Variants in PDE4B observed in about 807,000 individuals in gnomAD.
PDE4B encodes the protein phosphodiesterase 4B.
Under a neutral mutation model 82.2 loss-of-function variants are expected in PDE4B, and 20 were observed. The ratio of observed to expected loss-of-function variants is 0.24; its 90% CI spans 0.17 to 0.35. The LOEUF (loss-of-function observed/expected upper bound fraction) is 0.35. PDE4B is among the 10% of genes least tolerant of loss of function. PDE4B has a pLI of 1.00. For synonymous variants in PDE4B, 320 were observed against 318.9 expected (o/e 1.00, Z -0.04); for missense variants, 655 against 907.2 (o/e 0.72, Z 3.57).
chr1:65,968,242 G>A (rs1649952108), intron 3 of PDE4B, among the ~76,000 whole-genome samples: 1 of 152,062 alleles, frequency 6.6e-6, no homozygotes, highest in South Asian at 2.1e-4. Flanking sequence ...TTAAAAAGAG[G>A]ATTGGACTAG....
intron 3 of PDE4B, among the ~76,000 whole-genome samples, chr1:66,173,498 A>C (rs1466846833): frequency 6.6e-6 from 1 of 152,206 alleles, no homozygotes; most frequent in African/African-American, 2.4e-5. Flanking sequence ...AACCCGCAAG[A>C]GTCTATTTGA....
rs71058436 is a variant in PDE4B, at chr1:65,924,077, A to ATTTTTTTTTTTTTTTTTTTTTTTTT, written c.281+5257_281+5258insTTTTTTTTTTTTTTTTTTTTTTTTT. ...TTCTAATCTGCCTTCCAGTTTGCTAATTTTTTTTTTTTTTTGAGACGGAGT... is the reference window on the plus strand; with the variant it reads ...TTCTAATCTGCCTTCCAGTTTGCTAATTTTTTTTTTTTTTTTTTTTTTTTTTTTTTTTTTTTTTTTGAGACGGAGT... On this transcript the variant is annotated intron_variant, in intron 3 of 16. Transcript: ENST00000341517. Among the ~76,000 whole-genome samples the ATTTTTTTTTTTTTTTTTTTTTTTTT allele has an allele frequency of 8.8e-4, 36 of 40,780 alleles. 14 individuals are homozygous for ATTTTTTTTTTTTTTTTTTTTTTTTT. Among genetic ancestry groups the ATTTTTTTTTTTTTTTTTTTTTTTTT allele is most frequent in the Non-Finnish European group, 1.6e-3 (30 of 19,266 alleles). 26.8% of individuals were successfully genotyped at this position (40,780 alleles called of 152,430 possible). A position where few individuals can be genotyped will look rare whatever the true frequency, so the allele number is the denominator to read the frequency against.
chr1:65,985,497 A>G lies in PDE4B; in HGVS notation c.281+66662A>G, dbSNP rs138049273. Among the ~76,000 whole-genome samples the G allele has an allele frequency of 2.1e-3, 319 of 152,306 alleles. 3 individuals carry two copies. Among genetic ancestry groups the G allele is most frequent in the African/African-American group, 7.1e-3 (296 of 41,568 alleles). ...ATAAAAAGATAAAAGCTTATTTTAGAGAAAGAGGTTTTCCCAAATATAACT... is the reference window on the plus strand; with the variant it reads ...ATAAAAAGATAAAAGCTTATTTTAGGGAAAGAGGTTTTCCCAAATATAACT... On this transcript the variant is annotated intron_variant, in intron 3 of 16. Transcript: ENST00000341517.
At chr1:66,028,055 C>T (rs936070624) in intron 3 of PDE4B, among the ~76,000 whole-genome samples, 1 of 152,236 alleles carries the variant, frequency 6.6e-6, no homozygotes, top group African/African-American at 2.4e-5. Context: ...GGCTCCAACC[C>T]CACATTTCCC....
At chr1:66,274,543 T>C (rs1335316127) in intron 7 of PDE4B, among the ~76,000 whole-genome samples, 1 of 152,068 alleles carries the variant, frequency 6.6e-6, no homozygotes, top group Non-Finnish European at 1.5e-5. Context: ...CTTTATATAG[T>C]GATTAAGAGT....
intron 3 of PDE4B, among the ~76,000 whole-genome samples, chr1:66,243,585 A>G (rs1653061194): frequency 6.6e-6 from 1 of 152,230 alleles, no homozygotes; most frequent in African/African-American, 2.4e-5. Flanking sequence ...AGTGTCAGAG[A>G]GCGCATACTC....
intron 3 of PDE4B, among the ~76,000 whole-genome samples, chr1:66,028,152 C>T (rs545166221): frequency 6.6e-6 from 1 of 152,348 alleles, no homozygotes; most frequent in Non-Finnish European, 1.5e-5. Context: ...TTTCATACAT[C>T]TTCTGAAATC....
At position 65,934,520 on chromosome 1, in the gene PDE4B, G is replaced by A. The variant is rs568764998; in HGVS notation, c.281+15685G>A. On this transcript the variant is annotated intron_variant, in intron 3 of 16. Coordinates refer to ENST00000341517, the MANE Select transcript of PDE4B (RefSeq NM_002600.4). The stretch of plus-strand genomic sequence containing the variant: ...GACAACAATGAACAAAATGGCAATA[G>A]TAAATTTTTCTCTATCAATGCTTAC... Among the ~76,000 whole-genome samples, 62 of 152,252 alleles carry A rather than the reference G, an allele frequency of 4.1e-4. 1 individual carries two copies. Among genetic ancestry groups the A allele is most frequent in the African/African-American group, 1.4e-3 (60 of 41,552 alleles).
At chr1:65,879,152 G>A (rs577002850) in intron 1 of PDE4B, among the ~76,000 whole-genome samples, 1 of 152,034 alleles carries the variant, frequency 6.6e-6, no homozygotes, top group African/African-American at 2.4e-5. Flanking sequence ...TCAGGAGTTA[G>A]CTGTCAGGGG....
chr1:65,797,598 A>G (rs1645646262), intron 1 of PDE4B, among the ~76,000 whole-genome samples: 1 of 152,176 alleles, frequency 6.6e-6, no homozygotes, highest in Non-Finnish European at 1.5e-5. Flanking sequence ...AAGGGGAAGA[A>G]GAAGCCTCCC....
chr1:66,022,936 C>T (rs1480010683), intron 3 of PDE4B, among the ~76,000 whole-genome samples: 1 of 152,068 alleles, frequency 6.6e-6, no homozygotes, highest in Non-Finnish European at 1.5e-5. Context: ...TCTGTCTGGT[C>T]CTGGACTTTT....
intron 3 of PDE4B, among the ~76,000 whole-genome samples, chr1:66,089,666 A>G (rs1644973457): frequency 6.6e-6 from 1 of 152,092 alleles, no homozygotes; most frequent in African/African-American, 2.4e-5. Context: ...AGATATAATC[A>G]CATCAACTTC....
At chr1:66,054,974 G>A (rs1655222556) in intron 3 of PDE4B, among the ~76,000 whole-genome samples, 1 of 152,146 alleles carries the variant, frequency 6.6e-6, no homozygotes, top group Non-Finnish European at 1.5e-5. Flanking sequence ...AACTAGTGTT[G>A]TCATGGACAC....
chr1:66,039,616 A>G (rs1397149361), intron 3 of PDE4B, among the ~76,000 whole-genome samples: 1 of 152,004 alleles, frequency 6.6e-6, no homozygotes, highest in Non-Finnish European at 1.5e-5. Context: ...TCCCATGTAT[A>G]TACATATATG....
chr1:65,998,717 T>C (rs918088176), intron 3 of PDE4B, among the ~76,000 whole-genome samples: 4 of 152,144 alleles, frequency 2.6e-5, no homozygotes, highest in Admixed American at 2.6e-4. Context: ...ATGCTGTAGA[T>C]AGTACTAGCT....
intron 3 of PDE4B, among the ~76,000 whole-genome samples, chr1:66,084,756 G>A (rs1446215678): frequency 1.3e-5 from 2 of 152,032 alleles, no homozygotes; most frequent in African/African-American, 4.8e-5. Flanking sequence ...CATTCTACTT[G>A]GTGATCTGTC....
intron 3 of PDE4B, among the ~76,000 whole-genome samples, chr1:66,051,329 C>T (rs1655014967): frequency 6.6e-6 from 1 of 152,098 alleles, no homozygotes; most frequent in African/African-American, 2.4e-5. Flanking sequence ...CACTCGACCT[C>T]ACCTTAAAAT....
At chr1:66,252,170 A>T (rs1050156254) in intron 4 of PDE4B, among the ~76,000 whole-genome samples, 2 of 152,212 alleles carry the variant, frequency 1.3e-5, no homozygotes, top group Non-Finnish European at 2.9e-5. Flanking sequence ...TTGGTCGAGA[A>T]GATAGGTGGT....
At chr1:65,819,028 T>C (rs1388244003) in intron 1 of PDE4B, among the ~76,000 whole-genome samples, 1 of 152,176 alleles carries the variant, frequency 6.6e-6, no homozygotes, top group African/African-American at 2.4e-5. Flanking sequence ...ACTTAGATTT[T>C]ACTCTGGGAT....
Sources: gnomAD v4.1 joint callset for allele counts (sites outside exome capture counted in the v4.1 genomes callset) on GRCh38, gnomAD v4.1.1 for gene constraint, MANE v1.5 for transcripts, NCBI Gene and HGNC (gene_info 2026-07-23, HGNC 2026-07-21) for gene names.